The following RIPK1 variants were observed in gnomAD, a reference collection of about 807,000 sequenced individuals.
RIPK1 encodes the protein receptor interacting serine/threonine kinase 1.
RIPK1 carries 27 observed loss-of-function variants against 62.4 expected under a neutral mutation model. The ratio of observed to expected loss-of-function variants is 0.43; its 90% CI spans 0.32 to 0.60. RIPK1 has a LOEUF of 0.60. RIPK1 is among the 20% of genes least tolerant of loss of function. The pLI, the probability that RIPK1 is intolerant of heterozygous loss-of-function variation, is 0.07. For missense variants in RIPK1, 735 were observed against 831.0 expected, an observed-to-expected ratio of 0.88 and a Z score of 1.42; for synonymous variants, 287 against 303.2, an observed-to-expected ratio of 0.95 and a Z score of 0.55.
At chr6:3,083,652 A>G (rs1282827780) in intron 5 of RIPK1, among the ~76,000 whole-genome samples, 1 of 152,170 alleles carries the variant, frequency 6.6e-6, no homozygotes, top group Non-Finnish European at 1.5e-5. Context: ...TTGAGTCGGC[A>G]TTGGGAATAT....
At chr6:3,110,755 C>A in intron 9 of RIPK1, 48 bp from the exon 10 acceptor site, 1 of 1,301,844 alleles carries the variant, frequency 7.7e-7, no homozygotes, top group Non-Finnish European at 1.1e-6. Context: ...ATTTTTTTCT[C>A]TTGCTTTTGA....
intron 6 of RIPK1, among the ~76,000 whole-genome samples, chr6:3,087,977 C>T (rs192120746): frequency 6.6e-6 from 1 of 152,294 alleles, no homozygotes; most frequent in East Asian, 1.9e-4. Flanking sequence ...TTTATCATGG[C>T]TGTTTTAAAA....
intron 4 of RIPK1, 144 bp downstream of exon 4, chr6:3,081,260 C>T: frequency 5.6e-6 from 5 of 894,122 alleles, no homozygotes; most frequent in Middle Eastern, 2.6e-4. Context: ...AAAGGCTCTA[C>T]CGGTGATTGA....
At chr6:3,098,925 C>T (rs1054730579) in intron 7 of RIPK1, among the ~76,000 whole-genome samples, 2 of 152,216 alleles carry the variant, frequency 1.3e-5, no homozygotes, top group African/African-American at 2.4e-5. Context: ...AAGGCTTTAT[C>T]CCCTCGCCTT....
At position 3,072,276 on chromosome 6, in the gene RIPK1, T is replaced by C. The variant is rs151065034; in HGVS notation, c.-61+3615T>C. On this transcript the variant is annotated intron_variant, in intron 1 of 10. Coordinates refer to ENST00000259808, the MANE Select transcript of RIPK1 (RefSeq NM_001354930.2). This position sits in a 1 kb window ranked among gnomAD's most constrained non-coding sequence, Gnocchi z 5.6. ...TCTATTGTGGAAAATTTGGAAAACA[T>C]AGTAAAAGTGTAAAGAAGAAAGTAA... 1.7e-3 allele frequency among the ~76,000 whole-genome samples: 254 copies of C among 152,274 alleles called. 1 individual carries two copies. Among genetic ancestry groups the C allele is most frequent in the Admixed American group, 2.1e-3 (32 of 15,292 alleles).
chr6:3,081,617 T>C (rs1759384864), intron 4 of RIPK1, among the ~76,000 whole-genome samples: 1 of 151,944 alleles, frequency 6.6e-6, no homozygotes, highest in African/African-American at 2.4e-5. Flanking sequence ...TCTCAGCACT[T>C]TGGGAGGCTG....
rs995731668 is a variant in RIPK1, at chr6:3,068,506, C to G, written c.-216C>G. The G allele has an allele frequency of 2.0e-6, 2 of 985,192 alleles. No homozygotes were observed. Among genetic ancestry groups the G allele is most frequent in the South Asian group, 4.7e-5 (1 of 21,296 alleles). The allele number at this position is 985,192 out of a possible 1,614,324, so 61.0% of individuals were successfully genotyped here. A position where few individuals can be genotyped will look rare whatever the true frequency, so the allele number is the denominator to read the frequency against. On this transcript the variant is annotated 5_prime_UTR_variant, in exon 1 of 11. Coordinates refer to ENST00000259808, the MANE Select transcript of RIPK1 (RefSeq NM_001354930.2). ...AGGCAGCGCGAACAGTCCACGCCCT[C>G]CAGCCGGGCGCGCTCGACGCGGACG...
chr6:3,067,051 A>ATTTTTTTTTTTTTTTTT (rs36132424), upstream of RIPK1, among the ~76,000 whole-genome samples: 4 of 59,046 alleles, frequency 6.8e-5, no homozygotes, highest in African/African-American at 2.1e-4. Flanking sequence ...TTGCTCCAGG[A>ATTTTTTTTTTTTTTTTT]TTTTTTTTTT....
chr6:3,111,441 C>T (rs767896061), intron 10 of RIPK1, among the ~76,000 whole-genome samples: 4 of 151,626 alleles, frequency 2.6e-5, no homozygotes, highest in African/African-American at 4.9e-5. Flanking sequence ...AAAGTACAGT[C>T]TGGAAAAAGT....
At chr6:3,077,974 G>A (rs1013722155) in intron 3 of RIPK1, 39 bp downstream of exon 3, 1 of 1,604,790 alleles carries the variant, frequency 6.2e-7, no homozygotes, top group Non-Finnish European at 8.5e-7. Flanking sequence ...CCCAGCGCTT[G>A]GGCCCTGGCT....
At position 3,089,643 on chromosome 6, in the gene RIPK1, G is replaced by T. The variant is rs558445528; in HGVS notation, c.901G>T (p.Val301Leu). The T allele has an allele frequency of 3.2e-6, 5 of 1,578,872 alleles. No individual in the cohort carries two copies. The highest frequency in any genetic ancestry group is 1.4e-5 in the African/African-American group (1 of 73,998). The change falls in exon 7 of 11, where the codon GTG becomes TTG. Residue 301 changes from valine (V) to leucine (L), a missense_variant. Around this residue, in one of 2 missense-constraint regions of RIPK1, gnomAD observed 671 missense variants for 726.2 expected, o/e 0.92. Transcript: ENST00000259808. The part of the protein sequence containing the change: ...SQLEESVEED[V>L]KSLKKEYSNE... ...ATTAGAAGAAAGTGTAGAAGAGGAC[G>T]TGAAGAGTTTAAAGGTAGGCAATAT...
At position 3,094,058 on chromosome 6, in the gene RIPK1, G is replaced by C. The variant is rs201852506; in HGVS notation, c.915+4401G>C. Among the ~76,000 whole-genome samples the C allele has an allele frequency of 1.6e-3, 213 of 135,918 alleles. 24 individuals are homozygous for C. The highest frequency in any genetic ancestry group is 6.3e-3 in the African/African-American group (188 of 29,896). The allele number at this position is 135,918 out of a possible 152,430, so 89.2% of individuals were successfully genotyped here. On this transcript the variant is annotated intron_variant, in intron 7 of 10. Transcript: ENST00000259808. ...CCTAGTAACTGCAGCGCGCCTACCT[G>C]CCGCACCTAGTAACTGCAGCGCGCC...
intron 1 of RIPK1, among the ~76,000 whole-genome samples, chr6:3,075,677 T>C (rs1436020096): frequency 6.6e-6 from 1 of 152,232 alleles, no homozygotes; most frequent in Non-Finnish European, 1.5e-5. Context: ...GTAGGAATTC[T>C]GTCTGGCCTG....
At chr6:3,067,640 T>C (rs1581367173), upstream of RIPK1, among the ~76,000 whole-genome samples, 1 of 152,178 alleles carries the variant, frequency 6.6e-6, no homozygotes, top group East Asian at 1.9e-4. Context: ...TTATCAGATA[T>C]GTCTTTTGCA....
intron 7 of RIPK1, among the ~76,000 whole-genome samples, chr6:3,101,962 C>T (rs1760607578): frequency 6.6e-6 from 1 of 152,200 alleles, no homozygotes. Flanking sequence ...CTCCCTCTCC[C>T]AGCCCCTGGT....
chr6:3,069,419 C>G (rs892485200), intron 1 of RIPK1, among the ~76,000 whole-genome samples: 1 of 152,010 alleles, frequency 6.6e-6, no homozygotes, highest in Non-Finnish European at 1.5e-5. Flanking sequence ...AGGCTGCATC[C>G]TCCTTCCCTA....
chr6:3,065,316 C>A (rs1175930321), upstream of RIPK1, among the ~76,000 whole-genome samples: 1 of 145,786 alleles, frequency 6.9e-6, no homozygotes, highest in Non-Finnish European at 1.5e-5. Flanking sequence ...AGGTGCCGTG[C>A]GGCTGTGGCG....
intron 7 of RIPK1, among the ~76,000 whole-genome samples, chr6:3,102,095 T>A (rs186325217): frequency 3.3e-5 from 5 of 152,344 alleles, no homozygotes; most frequent in Admixed American, 2.0e-4. Flanking sequence ...TTCATCTGTT[T>A]CATAGCATGT....
At chr6:3,068,243 A>G, upstream of RIPK1, 1 of 985,536 alleles carries the variant, frequency 1.0e-6, no homozygotes, top group African/African-American at 1.7e-5. Flanking sequence ...AATCCTCCGG[A>G]TAGCGCCCCC....
Sources: allele counts gnomAD v4.1 joint callset (sites outside exome capture counted in the v4.1 genomes callset), GRCh38; gene constraint gnomAD v4.1.1; regional missense constraint gnomAD v4.1.1; non-coding constraint Gnocchi (gnomAD v3.1); transcripts MANE v1.5; gene names NCBI Gene and HGNC (gene_info 2026-07-23, HGNC 2026-07-21).